The following LRP8 variants were observed in gnomAD, a reference collection of about 807,000 sequenced individuals.
The protein encoded by LRP8 is low-density lipoprotein receptor-related protein 8.
Under a neutral mutation model 111.6 loss-of-function variants are expected in LRP8, and 46 were observed. The observed-to-expected ratio is 0.41, with a 90% confidence interval of 0.33 to 0.53. The LOEUF is 0.53. LRP8 is among the 20% of genes least tolerant of loss of function. The pLI is 0.20. For missense variants in LRP8, 959 were observed against 1,297.4 expected (o/e 0.74, Z 4.01); for synonymous variants, 464 against 511.2 (o/e 0.91, Z 1.24).
intron 16 of LRP8, among the ~76,000 whole-genome samples, chr1:53,253,614 AT>A (rs1645970852): frequency 6.6e-6 from 1 of 152,220 alleles, no homozygotes; most frequent in African/African-American, 2.4e-5. Context: ...AACAGCATAT[AT>A]CTGCCTCTTT....
rs1254453829 is a variant in LRP8 at position 53,303,799 on chromosome 1, G to A, written c.245-14110C>T. ...TCCTCTGTTCCCACCGCTGACATAT[G>A]GCCATTCGCCCTCTTGAATGCTCTC... is the stretch of plus-strand genomic sequence containing the variant. On this transcript the variant is annotated intron_variant, in intron 2 of 18. Transcript: ENST00000306052. The surrounding 1 kb of genome is among the most constrained non-coding windows in gnomAD (Gnocchi z 4.3). Among the ~76,000 whole-genome samples, 1 of 152,176 alleles carries A rather than the reference G, an allele frequency of 6.6e-6. No homozygotes were observed. The highest frequency in any genetic ancestry group is 2.4e-5 in the African/African-American group (1 of 41,428).
At chr1:53,310,564 T>G (rs1652803400) in intron 2 of LRP8, among the ~76,000 whole-genome samples, 1 of 152,100 alleles carries the variant, frequency 6.6e-6, no homozygotes, top group African/African-American at 2.4e-5. Context: ...GACCCAGCCG[T>G]GCAGGAGCCT....
At position 53,327,849 on chromosome 1, in the gene LRP8, G is replaced by A; in HGVS notation, c.64C>T (p.Leu22=). 1 of 1,502,926 alleles carries A rather than the reference G, an allele frequency of 6.7e-7. No homozygotes were observed. The highest frequency in any genetic ancestry group is 8.8e-7 in the Non-Finnish European group (1 of 1,130,260). 93.1% of individuals were successfully genotyped at this position (1,502,926 alleles called of 1,614,324 possible). ...GCAAGATGCTGGAGCTGCAGCAGCA[G>A]CAGCAGCAGCAGCAGCAGCAGCAGC... ...LALLLLLLLL[L]LLQLQHLAAA... Residue 22 remains leucine (L), a synonymous_variant, in exon 1 of 19, where the codon CTG becomes TTG. Coordinates refer to ENST00000306052, the MANE Select transcript of LRP8 (RefSeq NM_004631.5).
rs1646546524 is a variant in LRP8, at chr1:53,266,119, T to A, written c.1427+354A>T. On this transcript the variant is annotated intron_variant, in intron 9 of 18. Coordinates refer to ENST00000306052, the MANE Select transcript of LRP8 (RefSeq NM_004631.5). This position sits in a 1 kb window ranked among gnomAD's most constrained non-coding sequence, Gnocchi z 5.0. ...CAGGGACCAGGTCTAAGTCCCCAGG[T>A]TCCAACACACAGGGATGTGAGCTGC... Among the ~76,000 whole-genome samples the A allele has an allele frequency of 1.3e-5, 2 of 152,130 alleles. No individual in the cohort carries two copies. The highest frequency in any genetic ancestry group is 2.9e-5 in the Non-Finnish European group (2 of 68,022).
Position 53,247,055 on chromosome 1 carries a change from C to T in LRP8, c.2855G>A (p.Arg952Gln), listed in dbSNP as rs5174. Residue 952 changes from arginine (R) to glutamine (Q), a missense_variant and splice_region_variant, in exon 19 of 19, where the codon CGA becomes CAA. Physicochemically the swap from Arg to Gln is conservative, Grantham distance 43 (BLOSUM62 1). This residue lies in a region of LRP8 where 819 missense variants were observed against 1,097.6 expected (regional missense o/e 0.75). Coordinates refer to ENST00000306052, the MANE Select transcript of LRP8 (RefSeq NM_004631.5). ...LSELPVVKSK[R>Q]VALSLEDDGL... is the part of the protein sequence containing the mutation. ...ATCATCTTCAAGGCTTAATGCCACT[C>T]GCTGGGGAGACAAACCAAAGAATTC... 567,048 of 1,591,796 alleles carry T rather than the reference C, an allele frequency of 0.36. 112,067 individuals carry two copies. Among genetic ancestry groups the T allele is most frequent in the Non-Finnish European group, 0.41 (477,379 of 1,169,974 alleles).
rs776421606 is a variant in LRP8 at position 53,260,616 on chromosome 1, T to C, written c.1915-11A>G. The stretch of plus-strand genomic sequence containing the variant: ...CCAGAACACCTTGTCCTGTGGGGTA[T>C]AGATGCAGAGGATGGGAGGCCTGGA... On this transcript the variant is annotated splice_polypyrimidine_tract_variant and intron_variant, in intron 12 of 18. Coordinates refer to ENST00000306052, the MANE Select transcript of LRP8 (RefSeq NM_004631.5). 5.0e-6 allele frequency: 8 copies of C among 1,612,066 alleles called. No homozygotes were observed. In the Admixed American group the frequency reaches 6.7e-5, roughly 13 times the overall value.
rs1647026713 is a variant in LRP8, at chr1:53,279,125, G to A, written c.496+1462C>T. On this transcript the variant is annotated intron_variant, in intron 4 of 18. Transcript: ENST00000306052. The surrounding 1 kb of genome is among the most constrained non-coding windows in gnomAD (Gnocchi z 4.4). ...TGCTTCTTCATACTGAGTTTTCTCT[G>A]AGGTTTTGGAGCCAACAGTAACTTT... 6.6e-6 allele frequency among the ~76,000 whole-genome samples: 1 copy of A among 152,004 alleles called. No homozygotes were observed. The highest frequency in any genetic ancestry group is 6.6e-5 in the Admixed American group (1 of 15,262).
At chr1:53,296,478 G>C (rs903169799) in intron 2 of LRP8, among the ~76,000 whole-genome samples, 3 of 152,232 alleles carry the variant, frequency 2.0e-5, no homozygotes, top group Admixed American at 6.5e-5. Flanking sequence ...ACCCGGGTCG[G>C]GGAGATGAAA....
chr1:53,301,451 G>T (rs570596656), intron 2 of LRP8, among the ~76,000 whole-genome samples: 19 of 152,328 alleles, frequency 1.2e-4, no homozygotes, highest in Admixed American at 4.6e-4. Context: ...GCCAGGCATG[G>T]TGGCGCACGC....
chr1:53,326,788 G>T lies in LRP8; in HGVS notation c.244+85C>A. 4 of 1,512,894 alleles carry T rather than the reference G, an allele frequency of 2.6e-6. No homozygotes were observed. The Admixed American group carries it at 8.0e-5, about 30-fold the overall frequency. 93.7% of individuals were successfully genotyped at this position (1,512,894 alleles called of 1,614,324 possible). On this transcript the variant is annotated intron_variant, in intron 2 of 18. Coordinates refer to ENST00000306052, the MANE Select transcript of LRP8 (RefSeq NM_004631.5). ...GTCCCGCGCAGGTGGCAGCGCGGCG[G>T]CTGCAGCCACGTGCGCGCCAAGCAT... is the stretch of plus-strand genomic sequence containing the variant.
chr1:53,302,350 C>T (rs992588115), intron 2 of LRP8, among the ~76,000 whole-genome samples: 2 of 152,092 alleles, frequency 1.3e-5, no homozygotes, highest in African/African-American at 2.4e-5. Flanking sequence ...TGGTCCACAA[C>T]CCCCACCCAA....
At chr1:53,252,979 GTAGT>G (rs1645945449) in intron 16 of LRP8, among the ~76,000 whole-genome samples, 1 of 152,164 alleles carries the variant, frequency 6.6e-6, no homozygotes, top group Non-Finnish European at 1.5e-5. Context: ...CGTATGGGAG[GTAGT>G]TTATAATAAA....
intron 3 of LRP8, among the ~76,000 whole-genome samples, chr1:53,286,495 C>T (rs1647572442): frequency 6.6e-6 from 1 of 152,192 alleles, no homozygotes; most frequent in African/African-American, 2.4e-5. Flanking sequence ...CCCTCCCCCA[C>T]CCTCACCCCT....
chr1:53,322,498 G>C (rs1654642082), intron 2 of LRP8, among the ~76,000 whole-genome samples: 1 of 152,174 alleles, frequency 6.6e-6, no homozygotes, highest in Non-Finnish European at 1.5e-5. Context: ...TGAGAGTGTG[G>C]CAGAAGCTAA....
chr1:53,308,365 GC>G (rs1293935203), intron 2 of LRP8, among the ~76,000 whole-genome samples: 1 of 152,318 alleles, frequency 6.6e-6, no homozygotes, highest in East Asian at 1.9e-4. Flanking sequence ...CTCCTGGGGA[GC>G]CCCACCTTAT....
At chr1:53,276,574 T>G in intron 5 of LRP8, 118 bp downstream of exon 5, 1 of 782,100 alleles carries the variant, frequency 1.3e-6, no homozygotes. Context: ...TCCTCTGTAG[T>G]AAACCCGGGT....
chr1:53,273,071 A>T (rs1646810236), intron 6 of LRP8, among the ~76,000 whole-genome samples: 1 of 152,198 alleles, frequency 6.6e-6, no homozygotes, highest in African/African-American at 2.4e-5. Context: ...GGGAAGAGAA[A>T]GGAGAGCAGG....
intron 2 of LRP8, among the ~76,000 whole-genome samples, chr1:53,325,255 C>T (rs1212784942): frequency 1.3e-5 from 2 of 152,230 alleles, no homozygotes; most frequent in African/African-American, 4.8e-5. Context: ...AGTTCAGGCT[C>T]CTACTTAACA....
chr1:53,257,471 G>C lies in LRP8; in HGVS notation c.2210-7C>G. On this transcript the variant is annotated splice_polypyrimidine_tract_variant and splice_region_variant and intron_variant, in intron 14 of 18. Transcript: ENST00000306052. ...GTTGAGGTAGATTGAGGTGCTGGAGGGGAAATACCATGGAGGTCACTTGGA... is the reference window on the plus strand; with the variant it reads ...GTTGAGGTAGATTGAGGTGCTGGAGCGGAAATACCATGGAGGTCACTTGGA... 6.2e-7 allele frequency: 1 copy of C among 1,611,112 alleles called. No homozygotes were observed. The highest frequency in any genetic ancestry group is 8.5e-7 in the Non-Finnish European group (1 of 1,177,468).
Sources: gnomAD v4.1 joint callset for allele counts (sites outside exome capture counted in the v4.1 genomes callset) on GRCh38, gnomAD v4.1.1 for gene constraint, gnomAD v4.1.1 regional missense constraint, Gnocchi (gnomAD v3.1) non-coding constraint, MANE v1.5 for transcripts, NCBI Gene and HGNC (gene_info 2026-07-23, HGNC 2026-07-21) for gene names.